MMUT: variants seen among roughly 807,000 people sequenced by gnomAD.
MMUT encodes the protein methylmalonyl-CoA mutase, also known as methylmalonyl-CoA mutase, mitochondrial.
Under a neutral mutation model 79.9 loss-of-function variants are expected in MMUT, and 79 were observed. That is an observed-to-expected ratio of 0.99 (90% CI 0.82 to 1.19). MMUT has a LOEUF of 1.19. MMUT is among the 50% of genes most tolerant of loss of function. The pLI is 0.00. For synonymous variants in MMUT, 273 were observed against 295.7 expected, an observed-to-expected ratio of 0.92 and a Z score of 0.79; for missense variants, 860 against 917.2, an observed-to-expected ratio of 0.94 and a Z score of 0.81.
chr6:49,450,624 T>C (rs1246469082), intron 6 of MMUT, among the ~76,000 whole-genome samples: 2 of 152,190 alleles, frequency 1.3e-5, no homozygotes, highest in African/African-American at 4.8e-5. Context: ...CTTATGAATT[T>C]CCTGAATGGA....
In MMUT at chr6:49,447,773, A is replaced by C; in HGVS notation, c.1457T>G (p.Ile486Ser). The C allele has an allele frequency of 6.2e-7, 1 of 1,601,716 alleles. No homozygotes were observed. Among genetic ancestry groups the C allele is most frequent in the Non-Finnish European group, 8.6e-7 (1 of 1,169,208 alleles). ...CAACTGGTACTTATTTACTCCAACA[A>C]TTACTTCAGAACCTGGTAATTTCCC... ...QARIDSGSEVIVGVNKYQLEK... is the reference protein window; with the variant it reads ...QARIDSGSEVSVGVNKYQLEK... The change falls in exon 8 of 13, where the codon ATT becomes AGT. Residue 486 changes from isoleucine to serine, a missense_variant. Coordinates refer to ENST00000274813, the MANE Select transcript of MMUT (RefSeq NM_000255.4).
At chr6:49,454,559 C>T (rs922322208) in intron 4 of MMUT, among the ~76,000 whole-genome samples, 4 of 152,170 alleles carry the variant, frequency 2.6e-5, no homozygotes, top group African/African-American at 7.2e-5. Flanking sequence ...CTGTCCGCCT[C>T]GGTCACCCGA....
intron 11 of MMUT, among the ~76,000 whole-genome samples, chr6:49,435,964 AGACATGAAC>A (rs1270475097): frequency 6.6e-6 from 1 of 152,202 alleles, no homozygotes; most frequent in Non-Finnish European, 1.5e-5. Flanking sequence ...AGCAGGCAAA[AGACATGAAC>A]AGACACTTTC....
At chr6:49,432,447 G>T (rs996705713) in intron 12 of MMUT, among the ~76,000 whole-genome samples, 5 of 152,058 alleles carry the variant, frequency 3.3e-5, no homozygotes, top group Admixed American at 2.0e-4. Context: ...GAGTGCAGTG[G>T]CGCTATCTCG....
chr6:49,441,996 T>A (rs1209113773), intron 9 of MMUT, 25 bp from the exon 10 acceptor site: 1 of 1,594,822 alleles, frequency 6.3e-7, no homozygotes, highest in African/African-American at 1.3e-5. Context: ...GGTGGTTCCA[T>A]TAACTTCATT....
intron 5 of MMUT, 41 bp downstream of exon 5, chr6:49,453,544 A>ATATG (rs776545955): frequency 8.1e-7 from 1 of 1,237,906 alleles, no homozygotes; most frequent in African/African-American, 1.5e-5. Flanking sequence ...ATATATATAT[A>ATATG]TAACTTTATT....
At chr6:49,433,719 A>T (rs1397580568) in intron 12 of MMUT, among the ~76,000 whole-genome samples, 1 of 152,228 alleles carries the variant, frequency 6.6e-6, no homozygotes, top group African/African-American at 2.4e-5. Flanking sequence ...CACATGGCAG[A>T]AGCTGTATCT....
intron 12 of MMUT, among the ~76,000 whole-genome samples, chr6:49,435,219 A>C (rs1767090202): frequency 6.6e-6 from 1 of 152,236 alleles, no homozygotes; most frequent in Non-Finnish European, 1.5e-5. Context: ...GTTTGCAAGG[A>C]GGTAGTTCTC....
intron 12 of MMUT, among the ~76,000 whole-genome samples, chr6:49,433,311 T>C (rs1467821269): frequency 6.6e-6 from 1 of 152,170 alleles, no homozygotes; most frequent in East Asian, 1.9e-4. Context: ...GGATTTAGAA[T>C]GGAGGATTCA....
intron 12 of MMUT, among the ~76,000 whole-genome samples, chr6:49,433,667 C>G (rs1220803302): frequency 6.6e-6 from 1 of 152,024 alleles, no homozygotes; most frequent in African/African-American, 2.4e-5. Context: ...GAGGAGAGAC[C>G]ACGTTTATTC....
intron 9 of MMUT, 119 bp from the exon 10 acceptor site, chr6:49,442,090 A>G (rs1214658838): frequency 7.6e-6 from 9 of 1,187,636 alleles, no homozygotes; most frequent in Non-Finnish European, 1.1e-5. Flanking sequence ...GTAAAAATGT[A>G]AAATAAGAAT....
At chr6:49,459,576 G>T in intron 1 of MMUT, 71 bp from the exon 2 acceptor site, 1 of 1,166,988 alleles carries the variant, frequency 8.6e-7, no homozygotes, top group Non-Finnish European at 1.2e-6. Flanking sequence ...CATAAGAAAG[G>T]AACAGAAAAG....
intron 9 of MMUT, among the ~76,000 whole-genome samples, chr6:49,444,167 C>A (rs1414441219): frequency 1.3e-5 from 2 of 152,052 alleles, no homozygotes; most frequent in Non-Finnish European, 2.9e-5. Flanking sequence ...AAGGGAAGGA[C>A]TGGGAGGGGG....
At chr6:49,438,496 GA>G (rs1300492338) in intron 11 of MMUT, among the ~76,000 whole-genome samples, 1 of 152,100 alleles carries the variant, frequency 6.6e-6, no homozygotes, top group Non-Finnish European at 1.5e-5. Context: ...TAAGATCTTT[GA>G]AAGTAATCTT....
intron 11 of MMUT, among the ~76,000 whole-genome samples, chr6:49,436,256 C>T (rs543068236): frequency 3.0e-4 from 45 of 152,202 alleles, no homozygotes; most frequent in African/African-American, 9.1e-4. Context: ...ACCTCCCAAC[C>T]CAGCAATCCC....
intron 11 of MMUT, among the ~76,000 whole-genome samples, chr6:49,439,750 C>T (rs1272027572): frequency 6.6e-6 from 1 of 152,144 alleles, no homozygotes; most frequent in African/African-American, 2.4e-5. Flanking sequence ...CCACTGGACC[C>T]CTTACTGAGG....
chr6:49,461,805 T>C lies in MMUT; in HGVS notation c.-40+1298A>G, dbSNP rs148345908. 3.0e-3 allele frequency among the ~76,000 whole-genome samples: 464 copies of C among 152,226 alleles called. 1 individual carries two copies. Among genetic ancestry groups the C allele is most frequent in the African/African-American group, 0.011 (439 of 41,540 alleles). Reference sequence around the variant, plus strand: ...AAAAAACCTTCCATTTTTTTAATACTAGCACGATTTTTATTCTTTAAATCC... The same window carrying C: ...AAAAAACCTTCCATTTTTTTAATACCAGCACGATTTTTATTCTTTAAATCC... On this transcript the variant is annotated intron_variant, in intron 1 of 12. Transcript: ENST00000274813.
chr6:49,446,990 A>T (rs976784551), intron 8 of MMUT, among the ~76,000 whole-genome samples: 5 of 151,916 alleles, frequency 3.3e-5, no homozygotes, highest in African/African-American at 1.2e-4. Flanking sequence ...TTAAGAGGCC[A>T]AAGTAGCTTC....
chr6:49,432,980 T>TA (rs1767025897), intron 12 of MMUT, among the ~76,000 whole-genome samples: 1 of 152,204 alleles, frequency 6.6e-6, no homozygotes, highest in Admixed American at 6.5e-5. Context: ...TCTGTCTCTA[T>TA]TATATACTTG....
Sources: gnomAD v4.1 joint callset for allele counts (sites outside exome capture counted in the v4.1 genomes callset) on GRCh38, gnomAD v4.1.1 for gene constraint, MANE v1.5 for transcripts, NCBI Gene and HGNC (gene_info 2026-07-23, HGNC 2026-07-21) for gene names.